The following MAGI1 variants were observed in gnomAD, a reference collection of about 807,000 sequenced individuals.
MAGI1 encodes membrane-associated guanylate kinase, WW and PDZ domain-containing protein 1.
In MAGI1, 58 loss-of-function variants were observed where a neutral mutation model predicts 139.9. The observed-to-expected ratio is 0.41, with a 90% CI of 0.34 to 0.52. The LOEUF is 0.52. Ranked by LOEUF, MAGI1 falls within the 20% of genes least tolerant of loss-of-function variation. The pLI is 0.12. For missense variants in MAGI1, 1,874 were observed against 1,901.6 expected, an observed-to-expected ratio of 0.99 and a Z score of 0.27; for synonymous variants, 812 against 737.9, an observed-to-expected ratio of 1.10 and a Z score of -1.63.
chr3:65,847,967 T>A (rs1183252521), intron 1 of MAGI1, among the ~76,000 whole-genome samples: 2 of 152,178 alleles, frequency 1.3e-5, no homozygotes, highest in African/African-American at 4.8e-5. Flanking sequence ...TCCAGGAGTT[T>A]GAGTCCAGTT....
intron 2 of MAGI1, among the ~76,000 whole-genome samples, chr3:65,595,507 G>T (rs1327223361): frequency 6.6e-6 from 1 of 152,110 alleles, no homozygotes; most frequent in East Asian, 1.9e-4. Flanking sequence ...AACTGAAGAG[G>T]CAGTGAGGCT....
At chr3:65,485,381 A>G (rs1951561283) in intron 3 of MAGI1, among the ~76,000 whole-genome samples, 1 of 152,220 alleles carries the variant, frequency 6.6e-6, no homozygotes, top group Non-Finnish European at 1.5e-5. Flanking sequence ...ATACAAGACC[A>G]AACAGGAGAA....
intron 1 of MAGI1, among the ~76,000 whole-genome samples, chr3:65,800,394 G>C (rs2040438996): frequency 6.6e-6 from 1 of 152,144 alleles, no homozygotes; most frequent in Admixed American, 6.6e-5. Flanking sequence ...ATACACTGAA[G>C]AGTATCTTTT....
chr3:65,668,549 A>G lies in MAGI1; in HGVS notation c.314-46461T>C, dbSNP rs1027854988. Among the ~76,000 whole-genome samples the G allele has an allele frequency of 4.2e-5, 6 of 143,976 alleles. No individual in the cohort carries two copies. In the South Asian group the frequency reaches 1.3e-3, roughly 32 times the overall value. 94.5% of individuals were successfully genotyped at this position (143,976 alleles called of 152,430 possible). On this transcript the variant is annotated intron_variant, in intron 1 of 22. Transcript: ENST00000402939. ...CTTGTGAGTGATGAACCAGCCATTT[A>G]GTCCTTTTTTTTCTTTTTTTTTTTT...
chr3:65,634,571 G>A (rs767696753), intron 1 of MAGI1, among the ~76,000 whole-genome samples: 19 of 152,138 alleles, frequency 1.2e-4, no homozygotes, highest in Non-Finnish European at 2.1e-4. Flanking sequence ...CTATCAGGTG[G>A]GGATAATAAT....
chr3:65,518,427 C>T (rs927034276), intron 2 of MAGI1, among the ~76,000 whole-genome samples: 1 of 152,074 alleles, frequency 6.6e-6, no homozygotes, highest in South Asian at 2.1e-4. Flanking sequence ...CATGATTTTT[C>T]GTGGAAATAA....
chr3:65,973,279 T>C (rs2065097475), intron 1 of MAGI1, among the ~76,000 whole-genome samples: 1 of 152,216 alleles, frequency 6.6e-6, no homozygotes, highest in African/African-American at 2.4e-5. Flanking sequence ...CAAAATGTTA[T>C]GAGATAAAGT....
At chr3:66,007,474 T>C (rs965469892) in intron 1 of MAGI1, among the ~76,000 whole-genome samples, 2 of 152,166 alleles carry the variant, frequency 1.3e-5, no homozygotes, top group Admixed American at 6.5e-5. Context: ...GGACACAGCA[T>C]GTCACCAACA....
intron 1 of MAGI1, among the ~76,000 whole-genome samples, chr3:66,020,513 T>C (rs1285748689): frequency 6.6e-6 from 1 of 152,118 alleles, no homozygotes; most frequent in East Asian, 1.9e-4. Context: ...CCATTACAGA[T>C]ATGTAGGTTG....
intron 2 of MAGI1, chr3:65,549,589 C>T (rs1421146392): frequency 3.4e-5 from 17 of 507,220 alleles, no homozygotes; most frequent in Non-Finnish European, 4.1e-5. Flanking sequence ...GCGGCAGCGG[C>T]GTCAATGCGC....
intron 1 of MAGI1, among the ~76,000 whole-genome samples, chr3:65,999,518 C>T (rs2066629270): frequency 6.6e-6 from 1 of 152,116 alleles, no homozygotes; most frequent in African/African-American, 2.4e-5. Flanking sequence ...ACAGAGTCTT[C>T]AGGCCTTATG....
In MAGI1 at chr3:65,515,343, A is replaced by C. The variant is rs2077815435; in HGVS notation, c.431-21712T>G. On this transcript the variant is annotated intron_variant, in intron 2 of 22. Transcript: ENST00000402939. ...TTACATTTGAAGACAGCAATTTTTT[A>C]AATTAACCACTTTATAAAATGTTGT... Among the ~76,000 whole-genome samples, 4 of 152,186 alleles carry C rather than the reference A, an allele frequency of 2.6e-5. No homozygotes were observed. The South Asian group carries it at 8.3e-4, about 32-fold the overall frequency.
At chr3:65,451,401 T>C (rs1035118458) in intron 6 of MAGI1, among the ~76,000 whole-genome samples, 1 of 152,206 alleles carries the variant, frequency 6.6e-6, no homozygotes, top group African/African-American at 2.4e-5. Context: ...GGGTTGAATG[T>C]GTTTTATGCT....
chr3:65,642,298 A>T (rs943083135), intron 1 of MAGI1, among the ~76,000 whole-genome samples: 4 of 152,152 alleles, frequency 2.6e-5, no homozygotes, highest in Admixed American at 1.3e-4. Flanking sequence ...CCATATCTTG[A>T]TCAAGCCCTT....
At chr3:65,977,518 C>G (rs1263319877) in intron 1 of MAGI1, among the ~76,000 whole-genome samples, 1 of 152,118 alleles carries the variant, frequency 6.6e-6, no homozygotes, top group Non-Finnish European at 1.5e-5. Flanking sequence ...CACCACCAAC[C>G]CGGCCAACAT....
At chr3:65,840,186 TG>T (rs2108334674) in intron 1 of MAGI1, among the ~76,000 whole-genome samples, 1 of 152,142 alleles carries the variant, frequency 6.6e-6, no homozygotes, top group African/African-American at 2.4e-5. Flanking sequence ...GGCTTTTCTC[TG>T]TAGACAAAGA....
At chr3:65,375,607 G>T in intron 18 of MAGI1, 138 bp downstream of exon 18, 1 of 719,726 alleles carries the variant, frequency 1.4e-6, no homozygotes. Context: ...TTTAGTTAGG[G>T]ATGAATAAAG....
At chr3:65,378,259 T>C (rs1942722975) in intron 17 of MAGI1, among the ~76,000 whole-genome samples, 1 of 152,220 alleles carries the variant, frequency 6.6e-6, no homozygotes, top group Admixed American at 6.5e-5. Context: ...AGTGAATCCT[T>C]CTGAGAAAGT....
intron 12 of MAGI1, among the ~76,000 whole-genome samples, chr3:65,420,167 T>C (rs1292951740): frequency 6.6e-6 from 1 of 152,162 alleles, no homozygotes; most frequent in East Asian, 1.9e-4. Context: ...CTTCACCGTG[T>C]GAATCTGGAC....
Sources: gnomAD v4.1 joint callset for allele counts (sites outside exome capture counted in the v4.1 genomes callset) on GRCh38, gnomAD v4.1.1 for gene constraint, MANE v1.5 for transcripts, NCBI Gene and HGNC (gene_info 2026-07-23, HGNC 2026-07-21) for gene names.